LEMD3: variants seen among roughly 807,000 people sequenced by gnomAD.
LEMD3 encodes the protein LEM domain containing 3, also known as inner nuclear membrane protein Man1.
In LEMD3, 33 loss-of-function variants were observed where a neutral mutation model predicts 95.2. That is an observed-to-expected ratio of 0.35 (90% confidence interval 0.26 to 0.46). The LOEUF (loss-of-function observed/expected upper bound fraction) is 0.46, where lower values mean the gene tolerates loss of function less well. Among genes scored for constraint, LEMD3 ranks in the 20% least tolerant of loss-of-function variants. LEMD3 has a pLI of 1.00. For synonymous variants in LEMD3, 525 were observed against 474.6 expected, an observed-to-expected ratio of 1.11 and a Z score of -1.38; for missense variants, 1,210 against 1,192.8, an observed-to-expected ratio of 1.01 and a Z score of -0.21.
chr12:65,209,043 G>A lies in LEMD3; in HGVS notation c.1523-1883G>A, dbSNP rs553340813. ...CAAAATTGAACACTTTTGCTTCAGT[G>A]TTAACACACAAAGTGAAATAAAGAA... On this transcript the variant is annotated intron_variant, in intron 1 of 12. Transcript: ENST00000308330. 4.1e-4 allele frequency among the ~76,000 whole-genome samples: 63 copies of A among 152,170 alleles called. 1 individual carries two copies. The highest frequency in any genetic ancestry group is 1.5e-3 in the African/African-American group (62 of 41,544).
At chr12:65,207,956 G>A (rs1336257360) in intron 1 of LEMD3, among the ~76,000 whole-genome samples, 1 of 152,088 alleles carries the variant, frequency 6.6e-6, no homozygotes, top group Non-Finnish European at 1.5e-5. Context: ...TGGGGGTAGA[G>A]GAAGGGAGGG....
At chr12:65,186,792 T>G (rs187058436) in intron 1 of LEMD3, among the ~76,000 whole-genome samples, 2 of 152,120 alleles carry the variant, frequency 1.3e-5, no homozygotes, top group East Asian at 3.9e-4. Context: ...AGTAAAAATA[T>G]ATAAGCATAG....
intron 4 of LEMD3, among the ~76,000 whole-genome samples, chr12:65,230,015 C>T (rs892750518): frequency 2.0e-5 from 3 of 152,086 alleles, no homozygotes; most frequent in African/African-American, 7.2e-5. Context: ...TAAGGGGGCT[C>T]GTTTCATTCT....
chr12:65,235,459 A>G (rs1431250997), intron 4 of LEMD3, among the ~76,000 whole-genome samples: 1 of 152,130 alleles, frequency 6.6e-6, no homozygotes, highest in African/African-American at 2.4e-5. Context: ...AGTTGGCCCT[A>G]CGTATACATG....
chr12:65,171,179 C>G, intron 1 of LEMD3, 61 bp downstream of exon 1: 2 of 1,598,498 alleles, frequency 1.3e-6, no homozygotes, highest in Non-Finnish European at 1.7e-6. Flanking sequence ...TCCGCTTTAG[C>G]CGCGCTTAGC....
Position 65,209,440 on chromosome 12 carries a change from ATTTG to A in LEMD3, c.1523-1481_1523-1478del, listed in dbSNP as rs758180338. Among the ~76,000 whole-genome samples, 42 of 152,262 alleles carry A rather than the reference ATTTG, an allele frequency of 2.8e-4. 1 individual carries two copies. The highest frequency in any genetic ancestry group is 7.2e-4 in the Admixed American group (11 of 15,278). On this transcript the variant is annotated intron_variant, in intron 1 of 12. Coordinates refer to ENST00000308330, the MANE Select transcript of LEMD3 (RefSeq NM_014319.5). Reference sequence around the variant, plus strand: ...TGTATTGTTTGGCTAATTTATTGTCATTTGTTTGGCCAAATGACAAGGCATTTTT... The same window carrying A: ...TGTATTGTTTGGCTAATTTATTGTCATTTGGCCAAATGACAAGGCATTTTT...
intron 1 of LEMD3, among the ~76,000 whole-genome samples, chr12:65,176,481 G>C (rs527274854): frequency 6.6e-6 from 1 of 152,264 alleles, no homozygotes; most frequent in Non-Finnish European, 1.5e-5. Context: ...TTACCCTAGA[G>C]TTTGGCCCAT....
chr12:65,194,887 A>ACATTAT (rs1869378144), intron 1 of LEMD3, among the ~76,000 whole-genome samples: 1 of 143,844 alleles, frequency 7.0e-6, no homozygotes, highest in African/African-American at 2.5e-5. Flanking sequence ...TATAATTTAT[A>ACATTAT]AAATTAAAAT....
intron 9 of LEMD3, among the ~76,000 whole-genome samples, chr12:65,242,803 A>G (rs7967914): frequency 6.6e-6 from 1 of 152,196 alleles, no homozygotes; most frequent in South Asian, 2.1e-4. Context: ...TTTTTAAAAT[A>G]TGTAGTTTTA....
intron 4 of LEMD3, among the ~76,000 whole-genome samples, chr12:65,230,004 A>G (rs1195393873): frequency 6.6e-6 from 1 of 152,204 alleles, no homozygotes; most frequent in Admixed American, 6.5e-5. Flanking sequence ...ATGGTGAGAA[A>G]TAAGGGGGCT....
intron 2 of LEMD3, among the ~76,000 whole-genome samples, chr12:65,215,711 T>C (rs1189382703): frequency 1.3e-5 from 2 of 151,648 alleles, no homozygotes; most frequent in African/African-American, 4.9e-5. Context: ...ATGGAGTTTA[T>C]TGTCTGTGAG....
intron 3 of LEMD3, 91 bp from the exon 4 acceptor site, chr12:65,218,461 A>G: frequency 1.5e-6 from 1 of 688,594 alleles, no homozygotes; most frequent in Non-Finnish European, 2.5e-6. Context: ...CTGTAATTGT[A>G]TAATGTATAA....
chr12:65,211,094 A>G, intron 2 of LEMD3, 131 bp downstream of exon 2: 4 of 693,704 alleles, frequency 5.8e-6, no homozygotes, highest in Non-Finnish European at 1.0e-5. Flanking sequence ...TTATCAACTT[A>G]AAAAAATAGT....
chr12:65,205,758 G>A (rs1466806500), intron 1 of LEMD3, among the ~76,000 whole-genome samples: 1 of 152,064 alleles, frequency 6.6e-6, no homozygotes, highest in Non-Finnish European at 1.5e-5. Flanking sequence ...CAATAGGTGG[G>A]ATTACAATTG....
Position 65,220,491 on chromosome 12 carries a change from C to T in LEMD3, c.1695+1872C>T, listed in dbSNP as rs151181274. Among the ~76,000 whole-genome samples, 419 of 152,190 alleles carry T rather than the reference C, an allele frequency of 2.8e-3. 4 individuals are homozygous for T. The highest frequency in any genetic ancestry group is 4.9e-3 in the Admixed American group (75 of 15,302). On this transcript the variant is annotated intron_variant, in intron 4 of 12. Coordinates refer to ENST00000308330, the MANE Select transcript of LEMD3 (RefSeq NM_014319.5). ...AACCCCTTGTCAGATATATGGTTTG[C>T]AAATATTTTCTCCCATTCTGTAGGT...
At chr12:65,204,418 A>T (rs1231013808) in intron 1 of LEMD3, among the ~76,000 whole-genome samples, 3 of 152,148 alleles carry the variant, frequency 2.0e-5, no homozygotes, top group Non-Finnish European at 4.4e-5. Flanking sequence ...CTTATAAGTG[A>T]GAACATAGAG....
intron 1 of LEMD3, among the ~76,000 whole-genome samples, chr12:65,189,366 ACT>A (rs1332912943): frequency 2.6e-5 from 4 of 152,044 alleles, no homozygotes; most frequent in East Asian, 1.9e-4. Flanking sequence ...CCATAAACTC[ACT>A]CTCTGTGTCC....
intron 1 of LEMD3, among the ~76,000 whole-genome samples, chr12:65,193,422 G>A (rs1869306685): frequency 6.6e-6 from 1 of 152,088 alleles, no homozygotes; most frequent in South Asian, 2.1e-4. Flanking sequence ...GCTAGCACTT[G>A]GAAGGGGCCA....
Position 65,246,260 on chromosome 12 carries a change from C to T in LEMD3, c.2671C>T (p.His891Tyr). 3 of 1,613,280 alleles carry T rather than the reference C, an allele frequency of 1.9e-6. No individual in the cohort carries two copies. Among genetic ancestry groups the T allele is most frequent in the Non-Finnish European group, 2.5e-6 (3 of 1,179,330 alleles). ...CACTCCATTGAAGCCATCAAATAAACATATGAACTCCATGTCTCATCTTCG... is the reference window on the plus strand; with the variant it reads ...CACTCCATTGAAGCCATCAAATAAATATATGAACTCCATGTCTCATCTTCG... ...SNTPLKPSNKHMNSMSHLRLR... is the reference protein window; with the variant it reads ...SNTPLKPSNKYMNSMSHLRLR... The change falls in exon 13 of 13, where the codon CAT becomes TAT. Residue 891 changes from histidine to tyrosine, a missense_variant. Physicochemically the swap from His to Tyr is moderately conservative, Grantham distance 83. Around this residue, in one of 2 missense-constraint regions of LEMD3, gnomAD observed 461 missense variants for 569.8 expected, o/e 0.81. Transcript: ENST00000308330.
Sources: gnomAD v4.1 joint callset for allele counts (sites outside exome capture counted in the v4.1 genomes callset) on GRCh38, gnomAD v4.1.1 for gene constraint, gnomAD v4.1.1 regional missense constraint, MANE v1.5 for transcripts, NCBI Gene and HGNC (gene_info 2026-07-23, HGNC 2026-07-21) for gene names.